SNAP91: variants seen among roughly 807,000 people sequenced by gnomAD.
SNAP91 encodes synaptosome associated protein 91, also known as clathrin coat assembly protein AP180.
A neutral mutation model predicts 100.3 loss-of-function variants in SNAP91; 27 were observed. That is an observed-to-expected ratio of 0.27 (90% CI 0.20 to 0.37). The LOEUF (loss-of-function observed/expected upper bound fraction) is 0.37. Among genes scored for constraint, SNAP91 ranks in the 10% least tolerant of loss-of-function variants. SNAP91 has a pLI of 1.00. For synonymous variants in SNAP91, 404 were observed against 398.6 expected, an observed-to-expected ratio of 1.01 and a Z score of -0.16; for missense variants, 986 against 1,123.7, an observed-to-expected ratio of 0.88 and a Z score of 1.75.
At chr6:83,569,963 A>AAAAC (rs369228951) in intron 26 of SNAP91, among the ~76,000 whole-genome samples, 31 of 152,236 alleles carry the variant, frequency 2.0e-4, no homozygotes, top group African/African-American at 7.2e-4. Flanking sequence ...CAGCAGTGTG[A>AAAAC]AAACAAACTA....
At chr6:83,700,789 A>C (rs867787351) in intron 2 of SNAP91, among the ~76,000 whole-genome samples, 1 of 151,966 alleles carries the variant, frequency 6.6e-6, no homozygotes. Flanking sequence ...ATAGAGATGG[A>C]GTCTCCCTAT....
At chr6:83,586,431 A>G (rs1230156858) in intron 22 of SNAP91, among the ~76,000 whole-genome samples, 8 of 152,194 alleles carry the variant, frequency 5.3e-5, no homozygotes, top group Admixed American at 4.6e-4. Flanking sequence ...TTATACTAGT[A>G]CAGATTTATA....
intron 7 of SNAP91, among the ~76,000 whole-genome samples, chr6:83,651,327 G>C (rs2098194683): frequency 6.6e-6 from 1 of 151,922 alleles, no homozygotes; most frequent in Non-Finnish European, 1.5e-5. Flanking sequence ...TCCCAAGGTG[G>C]AAGCTTAGGT....
intron 2 of SNAP91, among the ~76,000 whole-genome samples, chr6:83,680,277 A>G (rs2098970279): frequency 1.3e-5 from 2 of 152,162 alleles, no homozygotes; most frequent in Non-Finnish European, 2.9e-5. Context: ...TCAATTCAAA[A>G]GGAATAAGTA....
chr6:83,707,063 T>C (rs985752702), intron 2 of SNAP91, among the ~76,000 whole-genome samples: 1 of 152,190 alleles, frequency 6.6e-6, no homozygotes, highest in Non-Finnish European at 1.5e-5. Context: ...ATTAAACGGT[T>C]TCATCTAAAA....
chr6:83,592,985 G>T lies in SNAP91; in HGVS notation c.1807C>A (p.Pro603Thr). The change falls in exon 20 of 30, where the codon CCT becomes ACT. Residue 603 changes from proline (P) to threonine (T), a missense_variant. Physicochemically the swap from Pro to Thr is conservative, Grantham distance 38. Coordinates refer to ENST00000369694, the MANE Select transcript of SNAP91 (RefSeq NM_001242792.2). ...AFSSPPQGAS[P>T]VPESSLTADL... ...GCAGTGAGAGAACTCTCAGGCACAG[G>T]AGAGGCCCCTTGTGGTGGAGAGGAG... is the stretch of plus-strand genomic sequence containing the variant. 2 of 1,586,542 alleles carry T rather than the reference G, an allele frequency of 1.3e-6. No homozygotes were observed. The highest frequency in any genetic ancestry group is 1.3e-5 in the African/African-American group (1 of 74,412).
chr6:83,582,232 AAAG>A lies in SNAP91; in HGVS notation c.2136_2138del (p.Phe713del). 6.2e-7 allele frequency: 1 copy of A among 1,613,678 alleles called. No homozygotes were observed. ...AAGTCACTGCCTCACCTGATGGATC[AAAG>A]GAGCTGCTGCTGGAAGTTGAAGGCG... On this transcript the variant is annotated inframe_deletion, in exon 23 of 30. Transcript: ENST00000369694.
intron 2 of SNAP91, among the ~76,000 whole-genome samples, chr6:83,675,940 AG>A (rs1461370351): frequency 6.6e-6 from 1 of 151,678 alleles, no homozygotes; most frequent in African/African-American, 2.4e-5. Context: ...TGAGGCCAGG[AG>A]TTCGAGACCA....
At chr6:83,676,099 A>G (rs1399244351) in intron 2 of SNAP91, among the ~76,000 whole-genome samples, 1 of 141,686 alleles carries the variant, frequency 7.1e-6, no homozygotes, top group East Asian at 2.1e-4. Context: ...CAACAGAGCA[A>G]GACCCTATCT....
At chr6:83,565,202 C>T (rs1191624588) in intron 26 of SNAP91, among the ~76,000 whole-genome samples, 1 of 151,878 alleles carries the variant, frequency 6.6e-6, no homozygotes, top group East Asian at 1.9e-4. Context: ...TTCAGTACAT[C>T]ACTCTCACTA....
At chr6:83,602,624 G>C (rs1308256589) in intron 14 of SNAP91, among the ~76,000 whole-genome samples, 2 of 152,062 alleles carry the variant, frequency 1.3e-5, no homozygotes, top group Non-Finnish European at 2.9e-5. Context: ...GCAAATTGTA[G>C]AAGTTTATTT....
At chr6:83,586,772 A>C (rs1395064385) in intron 22 of SNAP91, among the ~76,000 whole-genome samples, 1 of 152,044 alleles carries the variant, frequency 6.6e-6, no homozygotes, top group South Asian at 2.1e-4. Flanking sequence ...GGAAAGAATT[A>C]CTCATTGTTG....
At chr6:83,680,469 T>C (rs939516085) in intron 2 of SNAP91, among the ~76,000 whole-genome samples, 6 of 152,190 alleles carry the variant, frequency 3.9e-5, no homozygotes, top group South Asian at 2.1e-4. Context: ...CTAAGTGCTC[T>C]GAGCATGTTC....
chr6:83,679,920 C>T (rs1363640041), intron 2 of SNAP91, among the ~76,000 whole-genome samples: 1 of 152,042 alleles, frequency 6.6e-6, no homozygotes, highest in East Asian at 1.9e-4. Context: ...TGTCCACTTA[C>T]ATTTTTTTTT....
chr6:83,601,168 ACT>A (rs1254366085), intron 16 of SNAP91, 101 bp downstream of exon 16: 44 of 938,298 alleles, frequency 4.7e-5, no homozygotes, highest in Non-Finnish European at 6.7e-5. Flanking sequence ...GTACTTAAAC[ACT>A]CTGACATGCT....
intron 16 of SNAP91, among the ~76,000 whole-genome samples, chr6:83,600,512 T>G (rs1229958306): frequency 2.0e-5 from 3 of 152,200 alleles, no homozygotes; most frequent in African/African-American, 4.8e-5. Context: ...TCTTTAGGTG[T>G]GGACATTGGT....
intron 7 of SNAP91, 34 bp from the exon 8 acceptor site, chr6:83,641,236 G>C: frequency 2.1e-6 from 2 of 966,600 alleles, no homozygotes; most frequent in Non-Finnish European, 3.0e-6. Flanking sequence ...AATTTGAAAA[G>C]AGTATTATGT....
At chr6:83,624,137 T>C (rs914473852) in intron 8 of SNAP91, among the ~76,000 whole-genome samples, 9 of 152,110 alleles carry the variant, frequency 5.9e-5, no homozygotes, top group South Asian at 4.1e-4. Context: ...TAAAAGTATA[T>C]GCATATTGTT....
chr6:83,591,375 G>C (rs1449628024), intron 21 of SNAP91, 81 bp from the exon 22 acceptor site: 4 of 888,624 alleles, frequency 4.5e-6, no homozygotes, highest in Non-Finnish European at 7.6e-6. Flanking sequence ...ATTATGTAGA[G>C]AAATGCAGAG....
Sources: allele counts gnomAD v4.1 joint callset (sites outside exome capture counted in the v4.1 genomes callset), GRCh38; gene constraint gnomAD v4.1.1; transcripts MANE v1.5; gene names NCBI Gene and HGNC (gene_info 2026-07-23, HGNC 2026-07-21).